PPP1R12A: variants seen among roughly 807,000 people sequenced by gnomAD.
The protein encoded by PPP1R12A is protein phosphatase 1 regulatory subunit 12A, also known as myosin binding subunit.
Under a neutral mutation model 139.6 loss-of-function variants are expected in PPP1R12A, and 19 were observed. The ratio of observed to expected loss-of-function variants is 0.14; its 90% CI spans 0.09 to 0.20. The LOEUF (loss-of-function observed/expected upper bound fraction) is 0.20, where lower values mean the gene tolerates loss of function less well. Among genes scored for constraint, PPP1R12A ranks in the 10% least tolerant of loss-of-function variants. The pLI, the probability that PPP1R12A is intolerant of heterozygous loss-of-function variation, is 1.00. For missense variants in PPP1R12A, 925 were observed against 1,211.5 expected (o/e 0.76, Z 3.51); for synonymous variants, 427 against 420.6 (o/e 1.02, Z -0.19).
intron 1 of PPP1R12A, among the ~76,000 whole-genome samples, chr12:79,897,669 AC>A (rs1885255527): frequency 6.6e-6 from 1 of 152,188 alleles, no homozygotes; most frequent in African/African-American, 2.4e-5. Context: ...CACTGTGAAG[AC>A]CTTAGAACTC....
At chr12:79,864,716 A>G (rs1290356954) in intron 2 of PPP1R12A, among the ~76,000 whole-genome samples, 1 of 152,192 alleles carries the variant, frequency 6.6e-6, no homozygotes, top group Admixed American at 6.5e-5. Context: ...AAACTAGAAA[A>G]TCTAGAAGAA....
At chr12:79,921,948 A>C (rs1275617152) in intron 1 of PPP1R12A, among the ~76,000 whole-genome samples, 1 of 152,242 alleles carries the variant, frequency 6.6e-6, no homozygotes, top group Non-Finnish European at 1.5e-5. Flanking sequence ...AGAGTAATAA[A>C]GCAATAAAAC....
At chr12:79,896,013 TA>T (rs1292652049) in intron 1 of PPP1R12A, among the ~76,000 whole-genome samples, 1 of 133,080 alleles carries the variant, frequency 7.5e-6, no homozygotes, top group Non-Finnish European at 1.7e-5. Context: ...TTTTTTTTTT[TA>T]AAAGAGGAGT....
intron 4 of PPP1R12A, among the ~76,000 whole-genome samples, chr12:79,829,456 G>A (rs964687825): frequency 3.3e-5 from 5 of 152,000 alleles, no homozygotes; most frequent in Admixed American, 1.3e-4. Flanking sequence ...CCTCCGTAAC[G>A]GAACCATCTG....
chr12:79,778,585 C>T lies in PPP1R12A; in HGVS notation c.2971G>A (p.Glu991Lys). The change falls in exon 24 of 25, where the codon GAA becomes AAA. Residue 991 changes from glutamate to lysine, a missense_variant. Physicochemically the swap from Glu to Lys is moderately conservative, Grantham distance 56. Coordinates refer to ENST00000450142, the MANE Select transcript of PPP1R12A (RefSeq NM_002480.3). The stretch of plus-strand genomic sequence containing the variant: ...TCTTCCATTTCAGATATTCTTCTTT[C>T]TAGAGCTCTTCGTTCCTAGATCGAT... ...EMEKRERRAL[E>K]RRISEMEEEL... The T allele has an allele frequency of 6.5e-7, 1 of 1,531,834 alleles. No individual in the cohort carries two copies. The highest frequency in any genetic ancestry group is 1.2e-5 in the South Asian group (1 of 80,438). 94.9% of individuals were successfully genotyped at this position (1,531,834 alleles called of 1,614,324 possible).
chr12:79,874,625 G>A (rs1353830960), intron 1 of PPP1R12A, among the ~76,000 whole-genome samples: 1 of 151,920 alleles, frequency 6.6e-6, no homozygotes, highest in Non-Finnish European at 1.5e-5. Context: ...AAGCTCATTG[G>A]AATCTTCAGT....
intron 3 of PPP1R12A, among the ~76,000 whole-genome samples, chr12:79,842,575 T>TTG (rs148792533): frequency 0.13 from 17,978 of 143,776 alleles, 1,146 homozygotes; most frequent in East Asian, 0.21. Flanking sequence ...ATGTGGCACT[T>TTG]TGTGTGTGTG....
intron 1 of PPP1R12A, among the ~76,000 whole-genome samples, chr12:79,928,758 C>A (rs1888035687): frequency 6.6e-6 from 1 of 152,176 alleles, no homozygotes; most frequent in African/African-American, 2.4e-5. Flanking sequence ...CTTCCAGTCT[C>A]TTTTACACTT....
intron 2 of PPP1R12A, among the ~76,000 whole-genome samples, chr12:79,855,070 G>C (rs1267634888): frequency 2.0e-5 from 3 of 151,970 alleles, no homozygotes; most frequent in Non-Finnish European, 4.4e-5. Context: ...CTCACTGTAA[G>C]CTCCGCCTCC....
chr12:79,802,814 G>A (rs1056967673), intron 14 of PPP1R12A, among the ~76,000 whole-genome samples: 15 of 152,158 alleles, frequency 9.9e-5, no homozygotes, highest in African/African-American at 3.4e-4. Flanking sequence ...TAGGGTGCAT[G>A]CTATCACTTT....
chr12:79,912,026 C>A lies in PPP1R12A; in HGVS notation c.237+22669G>T, dbSNP rs1013603005. On this transcript the variant is annotated intron_variant, in intron 1 of 24. Coordinates refer to ENST00000450142, the MANE Select transcript of PPP1R12A (RefSeq NM_002480.3). Reference sequence around the variant, plus strand: ...GTTTGCTATACCATTCTTCTCACCCCCTGTGCTCCAGTCACACTGGCCTTC... The same window carrying A: ...GTTTGCTATACCATTCTTCTCACCCACTGTGCTCCAGTCACACTGGCCTTC... Among the ~76,000 whole-genome samples the A allele has an allele frequency of 2.0e-5, 3 of 152,160 alleles. No homozygotes were observed. In the South Asian group the frequency reaches 6.2e-4, roughly 32 times the overall value.
Position 79,855,180 on chromosome 12 carries a change from G to T in PPP1R12A, c.369-9760C>A, listed in dbSNP as rs372896007. Among the ~76,000 whole-genome samples the T allele has an allele frequency of 2.0e-5, 3 of 152,046 alleles. No individual in the cohort carries two copies. The East Asian group carries it at 5.8e-4, about 30-fold the overall frequency. On this transcript the variant is annotated intron_variant, in intron 2 of 24. Transcript: ENST00000450142. ...ATTTTTTGTATTTTTAGTAAAGACG[G>T]GGTTTCACCGTGTTAGCCAGGATGG...
intron 22 of PPP1R12A, among the ~76,000 whole-genome samples, chr12:79,782,770 A>G (rs1357943376): frequency 2.6e-5 from 4 of 152,328 alleles, no homozygotes; most frequent in African/African-American, 7.2e-5. Flanking sequence ...TGAATAACCA[A>G]TTTTACTAAT....
At chr12:79,799,120 A>G (rs1342884816) in intron 14 of PPP1R12A, among the ~76,000 whole-genome samples, 1 of 152,092 alleles carries the variant, frequency 6.6e-6, no homozygotes, top group Non-Finnish European at 1.5e-5. Context: ...GAAGACAGGT[A>G]TCAAATTCCT....
At chr12:79,856,314 A>G (rs1176216517) in intron 2 of PPP1R12A, among the ~76,000 whole-genome samples, 1 of 152,196 alleles carries the variant, frequency 6.6e-6, no homozygotes, top group Non-Finnish European at 1.5e-5. Flanking sequence ...TTATGGCTCC[A>G]ATAAGGCCCT....
In PPP1R12A at chr12:79,797,343, C is replaced by T. The variant is rs760214335; in HGVS notation, c.2144G>A (p.Arg715His). The part of the protein sequence containing the change: ...QEAEKTIGRS[R>H]STRTREQENE... ...TTCTTGTTCTCTGGTTCGGGTAGAA[C>T]GACTTCTTCCTATTGTTTTCTCAGC... The change falls in exon 16 of 25, where the codon CGT (arginine) becomes CAT (histidine). Residue 715 changes from arginine to histidine, a missense_variant. By Grantham distance (29) the Arg-to-His change is conservative. This residue lies in a region of PPP1R12A where 315 missense variants were observed against 363.4 expected (regional missense o/e 0.87). Transcript: ENST00000450142. 1.7e-5 allele frequency: 28 copies of T among 1,602,878 alleles called. No individual in the cohort carries two copies. Among genetic ancestry groups the T allele is most frequent in the Admixed American group, 3.4e-5 (2 of 58,628 alleles).
intron 22 of PPP1R12A, 29 bp from the exon 23 acceptor site, chr12:79,781,891 G>C (rs1009432112): frequency 6.8e-7 from 1 of 1,465,234 alleles, no homozygotes; most frequent in African/African-American, 1.4e-5. Context: ...TTATAAAAGA[G>C]ATAAGTGCAA....
chr12:79,776,495 C>T (rs1869740970), intron 24 of PPP1R12A, among the ~76,000 whole-genome samples: 1 of 152,084 alleles, frequency 6.6e-6, no homozygotes. Flanking sequence ...ATTAAAATTC[C>T]TTAAACGATT....
intron 1 of PPP1R12A, among the ~76,000 whole-genome samples, chr12:79,878,590 T>G (rs1883336812): frequency 6.6e-6 from 1 of 152,172 alleles, no homozygotes; most frequent in Non-Finnish European, 1.5e-5. Context: ...GGAAAGAGGT[T>G]TGACTCACAG....
Sources: gnomAD v4.1 joint callset for allele counts (sites outside exome capture counted in the v4.1 genomes callset) on GRCh38, gnomAD v4.1.1 for gene constraint, gnomAD v4.1.1 regional missense constraint, MANE v1.5 for transcripts, NCBI Gene and HGNC (gene_info 2026-07-23, HGNC 2026-07-21) for gene names.